ASAP2: variants seen among roughly 807,000 people sequenced by gnomAD.
ASAP2 encodes arf-GAP with SH3 domain, ANK repeat and PH domain-containing protein 2.
A neutral mutation model predicts 131.4 loss-of-function variants in ASAP2; 45 were observed. That is an observed-to-expected ratio of 0.34 (90% CI 0.27 to 0.44). The LOEUF (loss-of-function observed/expected upper bound fraction) is 0.44. ASAP2 is among the 20% of genes least tolerant of loss of function. ASAP2 has a pLI of 1.00. For synonymous variants in ASAP2, 510 were observed against 503.0 expected, an observed-to-expected ratio of 1.01 and a Z score of -0.19; for missense variants, 1,011 against 1,297.0, an observed-to-expected ratio of 0.78 and a Z score of 3.39.
chr2:9,317,894 C>T (rs1400065887), intron 3 of ASAP2, among the ~76,000 whole-genome samples: 2 of 152,182 alleles, frequency 1.3e-5, no homozygotes, highest in Admixed American at 1.3e-4. Context: ...CATACACCCT[C>T]ATGTGCATTC....
intron 20 of ASAP2, among the ~76,000 whole-genome samples, chr2:9,382,460 A>G (rs1048921305): frequency 2.6e-5 from 4 of 152,212 alleles, no homozygotes; most frequent in Non-Finnish European, 5.9e-5. Flanking sequence ...TGTGTAACGA[A>G]TTAACTTCTC....
intron 15 of ASAP2, among the ~76,000 whole-genome samples, chr2:9,364,437 G>T (rs1156377299): frequency 6.6e-6 from 1 of 152,184 alleles, no homozygotes; most frequent in Non-Finnish European, 1.5e-5. Flanking sequence ...AGCCCAGGAG[G>T]TTGGCTATAG....
At position 9,392,668 on chromosome 2, in the gene ASAP2, T is replaced by A. The variant is rs78175831; in HGVS notation, c.2519-814T>A. On this transcript the variant is annotated intron_variant, in intron 23 of 27. Coordinates refer to ENST00000281419, the MANE Select transcript of ASAP2 (RefSeq NM_003887.3). This position sits in a 1 kb window ranked among gnomAD's most constrained non-coding sequence, Gnocchi z 4.0. ...GAAACAATAATGATAAAAAGAAAGATCATAAGCTGGATCCCTTCATGTTTC... is the reference window on the plus strand; with the variant it reads ...GAAACAATAATGATAAAAAGAAAGAACATAAGCTGGATCCCTTCATGTTTC... Among the ~76,000 whole-genome samples the A allele has an allele frequency of 0.023, 3,504 of 152,218 alleles. 140 individuals are homozygous for A. The highest frequency in any genetic ancestry group is 0.08 in the African/African-American group (3,322 of 41,508).
intron 5 of ASAP2, 37 bp downstream of exon 5, chr2:9,320,374 T>G (rs756474416): frequency 1.2e-4 from 192 of 1,557,362 alleles, no homozygotes; most frequent in Admixed American, 2.1e-4. Context: ...GTATAGGTAA[T>G]TTGGGATTTC....
chr2:9,325,188 T>C (rs977034848), intron 6 of ASAP2, among the ~76,000 whole-genome samples: 2 of 152,214 alleles, frequency 1.3e-5, no homozygotes, highest in African/African-American at 4.8e-5. Flanking sequence ...ACACATATCA[T>C]GTGTAGTGTA....
chr2:9,247,822 T>C (rs1220544764), intron 1 of ASAP2, among the ~76,000 whole-genome samples: 1 of 152,184 alleles, frequency 6.6e-6, no homozygotes, highest in Non-Finnish European at 1.5e-5. Context: ...GTGCCTCGGG[T>C]TTAAAATCTG....
chr2:9,327,793 C>T, intron 6 of ASAP2, 33 bp from the exon 7 acceptor site: 4 of 1,522,536 alleles, frequency 2.6e-6, no homozygotes, highest in Non-Finnish European at 3.6e-6. Flanking sequence ...ATTCTGCTTA[C>T]TTCCATGACA....
chr2:9,271,198 G>A, intron 1 of ASAP2: 1 of 601,970 alleles, frequency 1.7e-6, no homozygotes, highest in African/African-American at 1.8e-5. Flanking sequence ...CAAGCTGTGA[G>A]GTTTTTAAAC....
In ASAP2 at chr2:9,232,873, A is replaced by G. The variant is rs1435758417; in HGVS notation, c.126+25643A>G. Among the ~76,000 whole-genome samples, 1 of 152,170 alleles carries G rather than the reference A, an allele frequency of 6.6e-6. No homozygotes were observed. The highest frequency in any genetic ancestry group is 1.9e-4 in the East Asian group (1 of 5,206). ...AGTGTAAATCCTTAAAAAAGTAAAAATATGTTTGTGCCCTTGTACAGAGGG... is the reference window on the plus strand; with the variant it reads ...AGTGTAAATCCTTAAAAAAGTAAAAGTATGTTTGTGCCCTTGTACAGAGGG... On this transcript the variant is annotated intron_variant, in intron 1 of 27. Transcript: ENST00000281419. The surrounding 1 kb of genome is among the most constrained non-coding windows in gnomAD (Gnocchi z 4.1).
intron 22 of ASAP2, among the ~76,000 whole-genome samples, chr2:9,388,923 A>G (rs1442379038): frequency 6.6e-6 from 1 of 151,694 alleles, no homozygotes; most frequent in Non-Finnish European, 1.5e-5. Flanking sequence ...CTTCCTTTTT[A>G]TTTCTCTTCT....
intron 25 of ASAP2, among the ~76,000 whole-genome samples, 191 bp downstream of exon 25, chr2:9,400,263 T>TC (rs1676535720): frequency 1.7e-4 from 5 of 29,174 alleles, no homozygotes; most frequent in African/African-American, 1.4e-3. Flanking sequence ...CCTCCTGCCC[T>TC]CTTCCTCTCC....
At position 9,284,991 on chromosome 2, in the gene ASAP2, G is replaced by A. The variant is rs149653067; in HGVS notation, c.199+5602G>A. Reference sequence around the variant, plus strand: ...AAGCTAAGAATGGTTTCTTACCATCGTTACCTGCACAATAACCTCAGTATT... The same window carrying A: ...AAGCTAAGAATGGTTTCTTACCATCATTACCTGCACAATAACCTCAGTATT... On this transcript the variant is annotated intron_variant, in intron 2 of 27. Coordinates refer to ENST00000281419, the MANE Select transcript of ASAP2 (RefSeq NM_003887.3). Among the ~76,000 whole-genome samples, 9 of 152,258 alleles carry A rather than the reference G, an allele frequency of 5.9e-5. No homozygotes were observed. The East Asian group carries it at 1.2e-3, about 20-fold the overall frequency.
At chr2:9,209,315 A>G (rs143931072) in intron 1 of ASAP2, among the ~76,000 whole-genome samples, 2 of 152,316 alleles carry the variant, frequency 1.3e-5, no homozygotes, top group East Asian at 3.9e-4. Flanking sequence ...AGGTAAATCA[A>G]TGTGGATTTC....
chr2:9,260,520 C>T (rs1665504857), intron 1 of ASAP2, among the ~76,000 whole-genome samples: 1 of 152,108 alleles, frequency 6.6e-6, no homozygotes, highest in Non-Finnish European at 1.5e-5. Flanking sequence ...GAGAGGGGCA[C>T]GGGGCTGGCC....
chr2:9,302,809 G>A lies in ASAP2; in HGVS notation c.345+5364G>A, dbSNP rs541931201. 2.0e-5 allele frequency among the ~76,000 whole-genome samples: 3 copies of A among 152,238 alleles called. No homozygotes were observed. In the East Asian group the frequency reaches 5.8e-4, roughly 29 times the overall value. On this transcript the variant is annotated intron_variant, in intron 3 of 27. Coordinates refer to ENST00000281419, the MANE Select transcript of ASAP2 (RefSeq NM_003887.3). Reference sequence around the variant, plus strand: ...TGGGATTACAGGTGTGAGCCACCACGCCTGGTCAGAAGACATTATAGCTAA... The same window carrying A: ...TGGGATTACAGGTGTGAGCCACCACACCTGGTCAGAAGACATTATAGCTAA...
chr2:9,370,935 A>G (rs1392075673), intron 16 of ASAP2, among the ~76,000 whole-genome samples: 1 of 152,140 alleles, frequency 6.6e-6, no homozygotes, highest in Non-Finnish European at 1.5e-5. Context: ...CAGCTGCTTC[A>G]TCTCACACTG....
intron 9 of ASAP2, among the ~76,000 whole-genome samples, chr2:9,342,878 C>G (rs1671682452): frequency 1.3e-5 from 2 of 152,224 alleles, no homozygotes; most frequent in African/African-American, 4.8e-5. Flanking sequence ...ATCCACTTTG[C>G]CTTGAAGATC....
chr2:9,315,902 C>T (rs1443964522), intron 3 of ASAP2, among the ~76,000 whole-genome samples: 1 of 152,086 alleles, frequency 6.6e-6, no homozygotes, highest in African/African-American at 2.4e-5. Flanking sequence ...GGCAAAAGTT[C>T]CCCAAAAAAG....
At chr2:9,236,905 A>G (rs945314984) in intron 1 of ASAP2, among the ~76,000 whole-genome samples, 7 of 152,154 alleles carry the variant, frequency 4.6e-5, no homozygotes, top group African/African-American at 1.7e-4. Context: ...GGACAGGGCA[A>G]TATCTGAGTG....
Sources: gnomAD v4.1 joint callset for allele counts (sites outside exome capture counted in the v4.1 genomes callset) on GRCh38, gnomAD v4.1.1 for gene constraint, Gnocchi (gnomAD v3.1) non-coding constraint, MANE v1.5 for transcripts, NCBI Gene and HGNC (gene_info 2026-07-23, HGNC 2026-07-21) for gene names.